The following UNC13C variants were observed in gnomAD, a reference collection of about 807,000 sequenced individuals.
UNC13C encodes the protein unc-13 homolog C.
A neutral mutation model predicts 245.4 loss-of-function variants in UNC13C; 174 were observed. That is an observed-to-expected ratio of 0.71 (90% CI 0.63 to 0.80). The LOEUF (loss-of-function observed/expected upper bound fraction) is 0.80. UNC13C is among the 30% of genes least tolerant of loss of function. UNC13C has a pLI of 0.00. For missense variants in UNC13C, 2,829 were observed against 2,602.9 expected, an observed-to-expected ratio of 1.09 and a Z score of -1.89; for synonymous variants, 992 against 895.1, an observed-to-expected ratio of 1.11 and a Z score of -1.93.
chr15:54,098,592 A>G (rs1335689818), intron 2 of UNC13C, among the ~76,000 whole-genome samples: 1 of 151,886 alleles, frequency 6.6e-6, no homozygotes, highest in East Asian at 1.9e-4. Flanking sequence ...ATGTTGTTTC[A>G]CTTCATGTTT....
chr15:53,899,277 C>A, the UNC13C span, among the ~76,000 whole-genome samples: 3 of 152,224 alleles, frequency 2.0e-5, no homozygotes, highest in African/African-American at 7.2e-5. Context: ...TAGACAGCAT[C>A]TCATAACAAG....
Position 54,013,904 on chromosome 15 carries a change from T to C in UNC13C, c.1001T>C (p.Val334Ala), listed in dbSNP as rs1171087801. Residue 334 changes from valine to alanine, a missense_variant, in exon 2 of 33, where the codon GTT (valine) becomes GCT (alanine). Coordinates refer to ENST00000260323, the MANE Select transcript of UNC13C (RefSeq NM_001080534.3). ...LNVTEERFEYVESVVYQILID... is the reference protein window; with the variant it reads ...LNVTEERFEYAESVVYQILID... Reference sequence around the variant, plus strand: ...GTGACTGAAGAAAGATTTGAATATGTTGAAAGCGTGGTGTACCAAATTCTA... The same window carrying C: ...GTGACTGAAGAAAGATTTGAATATGCTGAAAGCGTGGTGTACCAAATTCTA... The C allele has an allele frequency of 6.2e-7, 1 of 1,613,360 alleles. No homozygotes were observed. The highest frequency in any genetic ancestry group is 1.7e-5 in the Admixed American group (1 of 59,840).
the UNC13C span, among the ~76,000 whole-genome samples, chr15:53,886,655 T>C: frequency 6.6e-6 from 1 of 152,146 alleles, no homozygotes; most frequent in Non-Finnish European, 1.5e-5. Flanking sequence ...TGTGATTTCC[T>C]TCTAAAGAAC....
At chr15:53,950,631 C>T in the UNC13C span, among the ~76,000 whole-genome samples, 1 of 152,204 alleles carries the variant, frequency 6.6e-6, no homozygotes, top group Admixed American at 6.5e-5. Flanking sequence ...AGATCGGTCT[C>T]TAGCATCCAA....
Position 54,250,392 on chromosome 15 carries a change from A to C in UNC13C, c.3396A>C (p.Gly1132=), listed in dbSNP as rs1567134783. 6.2e-7 allele frequency: 1 copy of C among 1,613,700 alleles called. No homozygotes were observed. The highest frequency in any genetic ancestry group is 8.5e-7 in the Non-Finnish European group (1 of 1,179,734). The part of the protein sequence containing the change: ...ARQGMKCLEC[G]VKCHEKCQDL... The stretch of plus-strand genomic sequence containing the variant: ...AAGGCATGAAGTGTCTGGAGTGTGG[A>C]GTGAAATGCCACGAAAAGTGTCAGG... Residue 1132 remains glycine (G), a synonymous_variant, in exon 8 of 33, where the codon GGA becomes GGC. Transcript: ENST00000260323.
chr15:54,059,721 G>A (rs934243486), intron 2 of UNC13C, among the ~76,000 whole-genome samples: 3 of 152,040 alleles, frequency 2.0e-5, no homozygotes, highest in Non-Finnish European at 2.9e-5. Flanking sequence ...AAACTATACT[G>A]CAAGGCTACA....
At chr15:54,264,460 C>T (rs1412482798) in intron 9 of UNC13C, 65 bp downstream of exon 9, 2 of 1,183,594 alleles carry the variant, frequency 1.7e-6, no homozygotes, top group Non-Finnish European at 1.2e-6. Context: ...CTAGAAATAA[C>T]TGCTAATAAT....
chr15:54,472,664 G>A (rs1224427489), intron 19 of UNC13C, among the ~76,000 whole-genome samples: 1 of 151,792 alleles, frequency 6.6e-6, no homozygotes, highest in African/African-American at 2.4e-5. Context: ...GCAATGTATA[G>A]TATTATTGGT....
At chr15:54,368,645 T>A (rs953142860) in intron 17 of UNC13C, among the ~76,000 whole-genome samples, 1 of 152,114 alleles carries the variant, frequency 6.6e-6, no homozygotes, top group Non-Finnish European at 1.5e-5. Flanking sequence ...AGCATGGTGA[T>A]GCTAACACCT....
At chr15:54,219,664 C>T (rs1261388169) in intron 4 of UNC13C, among the ~76,000 whole-genome samples, 3 of 151,414 alleles carry the variant, frequency 2.0e-5, no homozygotes, top group South Asian at 4.2e-4. Flanking sequence ...GAACAGGCAA[C>T]CTACAAAATG....
At chr15:54,379,491 C>A (rs148731429) in intron 17 of UNC13C, among the ~76,000 whole-genome samples, 5 of 152,140 alleles carry the variant, frequency 3.3e-5, no homozygotes, top group Non-Finnish European at 7.4e-5. Context: ...CTTTTATAGC[C>A]TTTATTATAC....
At chr15:54,215,636 C>T (rs2140763560) in intron 4 of UNC13C, among the ~76,000 whole-genome samples, 1 of 152,002 alleles carries the variant, frequency 6.6e-6, no homozygotes, top group Non-Finnish European at 1.5e-5. Context: ...GTGAGGCCAT[C>T]TTATCTTTAA....
intron 30 of UNC13C, among the ~76,000 whole-genome samples, chr15:54,616,430 C>A (rs971612298): frequency 6.6e-6 from 1 of 151,974 alleles, no homozygotes; most frequent in Non-Finnish European, 1.5e-5. Flanking sequence ...GCCTGCTGTA[C>A]TCCCAGTCAT....
intron 19 of UNC13C, among the ~76,000 whole-genome samples, chr15:54,479,699 A>G (rs1018456237): frequency 6.6e-6 from 1 of 151,478 alleles, no homozygotes; most frequent in African/African-American, 2.4e-5. Context: ...TTTCAAAGTG[A>G]TAATGTTGGA....
intron 3 of UNC13C, 118 bp downstream of exon 3, chr15:54,143,158 C>T (rs2032101672): frequency 1.0e-6 from 1 of 964,756 alleles, no homozygotes; most frequent in Non-Finnish European, 1.6e-6. Flanking sequence ...GCATGTTATC[C>T]CAGCTTTCCA....
chr15:54,075,479 G>A (rs1302050692), intron 2 of UNC13C, among the ~76,000 whole-genome samples: 2 of 129,786 alleles, frequency 1.5e-5, no homozygotes, highest in African/African-American at 8.0e-5. Flanking sequence ...AGCTTGCAGT[G>A]AGCCGGAGCT....
chr15:54,072,479 GA>G (rs1466106574), intron 2 of UNC13C, among the ~76,000 whole-genome samples: 3 of 152,158 alleles, frequency 2.0e-5, no homozygotes, highest in Non-Finnish European at 4.4e-5. Flanking sequence ...AGAGCATGAA[GA>G]GGGGAAAATT....
intron 28 of UNC13C, among the ~76,000 whole-genome samples, chr15:54,553,355 T>G (rs1307957205): frequency 5.6e-5 from 7 of 125,378 alleles, no homozygotes; most frequent in African/African-American, 1.8e-4. Context: ...TTGTAATATA[T>G]AATATAATAT....
At chr15:54,179,327 G>A (rs2033720068) in intron 4 of UNC13C, among the ~76,000 whole-genome samples, 1 of 152,052 alleles carries the variant, frequency 6.6e-6, no homozygotes, top group Admixed American at 6.6e-5. Context: ...ATCCAATAAT[G>A]GATTTAGTCT....
Sources: gnomAD v4.1 joint callset for allele counts (sites outside exome capture counted in the v4.1 genomes callset) on GRCh38, gnomAD v4.1.1 for gene constraint, MANE v1.5 for transcripts, NCBI Gene and HGNC (gene_info 2026-07-23, HGNC 2026-07-21) for gene names.